The following PCNX2 variants were observed in gnomAD, a reference collection of about 807,000 sequenced individuals.
PCNX2 encodes the protein pecanex-like protein 2.
PCNX2 carries 168 observed loss-of-function variants against 223.8 expected under a neutral mutation model. That is an observed-to-expected ratio of 0.75 (90% CI 0.66 to 0.85). PCNX2 has a LOEUF of 0.85. Among genes scored for constraint, PCNX2 ranks in the 40% least tolerant of loss-of-function variants. PCNX2 has a pLI of 0.00. For missense variants in PCNX2, 2,507 were observed against 2,675.5 expected (o/e 0.94, Z 1.39); for synonymous variants, 1,006 against 1,052.6 (o/e 0.96, Z 0.86).
chr1:233,029,602 T>A (rs1006675267), intron 25 of PCNX2, among the ~76,000 whole-genome samples: 2 of 152,318 alleles, frequency 1.3e-5, no homozygotes, highest in East Asian at 1.9e-4. Context: ...TTAGCTTTTT[T>A]AATCTGAAAA....
intron 28 of PCNX2, among the ~76,000 whole-genome samples, chr1:233,007,347 A>G (rs946002373): frequency 6.6e-6 from 1 of 151,982 alleles, no homozygotes; most frequent in African/African-American, 2.4e-5. Flanking sequence ...AATTATTACA[A>G]CCCTTTCATA....
At chr1:233,206,093 C>T (rs1227550578) in intron 13 of PCNX2, among the ~76,000 whole-genome samples, 2 of 151,936 alleles carry the variant, frequency 1.3e-5, no homozygotes, top group Non-Finnish European at 2.9e-5. Flanking sequence ...GAAGGGGCCA[C>T]AGTAATTACG....
chr1:233,207,973 G>A (rs1401719642), intron 13 of PCNX2, among the ~76,000 whole-genome samples: 1 of 147,046 alleles, frequency 6.8e-6, no homozygotes, highest in South Asian at 2.1e-4. Context: ...TTTTTTTTTT[G>A]AGAAAGAGTT....
chr1:233,306,191 T>C, the PCNX2 span, among the ~76,000 whole-genome samples: 1 of 152,164 alleles, frequency 6.6e-6, no homozygotes, highest in African/African-American at 2.4e-5. Flanking sequence ...GATTAAAGGG[T>C]CAGTTCATTA....
At chr1:233,091,569 T>A (rs146860421) in intron 22 of PCNX2, among the ~76,000 whole-genome samples, 3 of 151,962 alleles carry the variant, frequency 2.0e-5, no homozygotes, top group African/African-American at 7.2e-5. Flanking sequence ...AGATTTAAAA[T>A]CAGATTAAAA....
chr1:233,091,433 G>A (rs1007303559), intron 22 of PCNX2, among the ~76,000 whole-genome samples: 3 of 145,598 alleles, frequency 2.1e-5, no homozygotes, highest in Admixed American at 6.8e-5. Flanking sequence ...TTAACATAAC[G>A]TTAAACAAAT....
intron 19 of PCNX2, among the ~76,000 whole-genome samples, chr1:233,155,785 A>T (rs1558290209): frequency 6.6e-6 from 1 of 152,194 alleles, no homozygotes; most frequent in Non-Finnish European, 1.5e-5. Flanking sequence ...CTTCTTTATG[A>T]CTGGGATCAA....
intron 21 of PCNX2, among the ~76,000 whole-genome samples, chr1:233,120,841 A>G (rs939443424): frequency 6.6e-6 from 1 of 152,178 alleles, no homozygotes; most frequent in Non-Finnish European, 1.5e-5. Context: ...AGATTAAAAA[A>G]TAAAAGAAAC....
intron 23 of PCNX2, among the ~76,000 whole-genome samples, chr1:233,078,376 C>T (rs1415675213): frequency 6.6e-6 from 1 of 152,242 alleles, no homozygotes; most frequent in Non-Finnish European, 1.5e-5. Flanking sequence ...TCTCCTGCAT[C>T]ATATTTATTT....
At chr1:233,183,855 C>G (rs1274630721) in intron 15 of PCNX2, among the ~76,000 whole-genome samples, 1 of 152,164 alleles carries the variant, frequency 6.6e-6, no homozygotes, top group African/African-American at 2.4e-5. Context: ...TAAGTGGATC[C>G]CTGCACACAA....
At chr1:232,984,511 C>A in intron 33 of PCNX2, 34 bp from the exon 34 acceptor site, 2 of 1,598,110 alleles carry the variant, frequency 1.3e-6, no homozygotes, top group South Asian at 1.1e-5. Flanking sequence ...GTGAACAGCT[C>A]AGCAAACGTT....
chr1:233,044,059 T>A (rs1202086319), intron 25 of PCNX2, among the ~76,000 whole-genome samples: 17 of 151,866 alleles, frequency 1.1e-4, no homozygotes, highest in Non-Finnish European at 2.4e-4. Context: ...CCACATCCTC[T>A]CCAGCACCTG....
chr1:233,274,959 TGAG>T (rs1660833620), intron 1 of PCNX2, among the ~76,000 whole-genome samples: 1 of 152,154 alleles, frequency 6.6e-6, no homozygotes, highest in Non-Finnish European at 1.5e-5. Flanking sequence ...GAACCAGCAA[TGAG>T]GAGATGAGGA....
chr1:233,318,524 A>T, the PCNX2 span, among the ~76,000 whole-genome samples: 10 of 134,638 alleles, frequency 7.4e-5, no homozygotes, highest in African/African-American at 2.0e-4. Flanking sequence ...TCTCCTCATG[A>T]TTGCATCACT....
At chr1:233,291,195 C>T in intron 1 of PCNX2, 1 of 629,234 alleles carries the variant, frequency 1.6e-6, no homozygotes, top group Non-Finnish European at 2.0e-6. Flanking sequence ...GGGCAAATAG[C>T]TGACTCTCCC....
chr1:233,074,610 A>AAG, intron 23 of PCNX2, among the ~76,000 whole-genome samples: 1 of 149,694 alleles, frequency 6.7e-6, no homozygotes, highest in East Asian at 2.0e-4. Context: ...AAAAAAAAAA[A>AAG]AAAAAAAAAA....
At chr1:233,140,764 A>C (rs1291624704) in intron 19 of PCNX2, among the ~76,000 whole-genome samples, 1 of 152,152 alleles carries the variant, frequency 6.6e-6, no homozygotes, top group Non-Finnish European at 1.5e-5. Flanking sequence ...GCCTCTTGGA[A>C]CTGGAACAAG....
intron 19 of PCNX2, among the ~76,000 whole-genome samples, chr1:233,146,955 A>G (rs1186950387): frequency 6.6e-6 from 1 of 152,240 alleles, no homozygotes; most frequent in Non-Finnish European, 1.5e-5. Context: ...TTTTCATAAG[A>G]ATTTCAGTTT....
intron 25 of PCNX2, among the ~76,000 whole-genome samples, chr1:233,039,137 T>C (rs1671558463): frequency 6.6e-6 from 1 of 152,240 alleles, no homozygotes; most frequent in Admixed American, 6.5e-5. Flanking sequence ...CCTTTAAGAA[T>C]GAATTCTGGT....
Sources: allele counts gnomAD v4.1 joint callset (sites outside exome capture counted in the v4.1 genomes callset), GRCh38; gene constraint gnomAD v4.1.1; transcripts MANE v1.5; gene names NCBI Gene and HGNC (gene_info 2026-07-23, HGNC 2026-07-21).